The following PLCH2 variants were observed in gnomAD, a reference collection of about 807,000 sequenced individuals.
The protein encoded by PLCH2 is phospholipase C eta 2.
In PLCH2, 98 loss-of-function variants were observed where a neutral mutation model predicts 134.7. That is an observed-to-expected ratio of 0.73 (90% confidence interval 0.62 to 0.86). The LOEUF (loss-of-function observed/expected upper bound fraction) is 0.86. Ranked by LOEUF, PLCH2 falls within the 40% of genes least tolerant of loss-of-function variation. The pLI, the probability that PLCH2 is intolerant of heterozygous loss-of-function variation, is 0.00. For synonymous variants in PLCH2, 974 were observed against 827.5 expected (o/e 1.18, Z -3.04); for missense variants, 1,994 against 1,986.6 (o/e 1.00, Z -0.07).
chr1:2,435,275 G>T (rs980794640), intron 2 of PLCH2, among the ~76,000 whole-genome samples: 8 of 152,226 alleles, frequency 5.3e-5, no homozygotes, highest in African/African-American at 1.9e-4. Context: ...CAGGGGCTGT[G>T]GGGGGTGGGG....
intron 11 of PLCH2, chr1:2,493,206 CTG>C (rs1393310896): frequency 6.6e-6 from 1 of 152,314 alleles, no homozygotes; most frequent in Non-Finnish European, 1.5e-5. Context: ...GCAGTACGGG[CTG>C]TGTCTGGCCG....
chr1:2,465,231 C>G (rs570022246), upstream of PLCH2, among the ~76,000 whole-genome samples: 410 of 152,304 alleles, frequency 2.7e-3, 1 homozygote, highest in Non-Finnish European at 4.7e-3. Context: ...GAGATCCAGC[C>G]AGGGCTCACA....
At chr1:2,450,920 G>A (rs941187288) in intron 2 of PLCH2, among the ~76,000 whole-genome samples, 9 of 151,182 alleles carry the variant, frequency 6.0e-5, no homozygotes, top group Admixed American at 3.3e-4. Flanking sequence ...TCTGTGAAAA[G>A]GGGGTGACAG....
In PLCH2 at chr1:2,494,574, G is replaced by A. The variant is rs138228818; in HGVS notation, c.1660-282G>A. 1.6e-5 allele frequency: 9 copies of A among 555,058 alleles called. No individual in the cohort carries two copies. The East Asian group carries it at 2.5e-4, about 15-fold the overall frequency. The allele number at this position is 555,058 out of a possible 1,614,324, so 34.4% of individuals were successfully genotyped here. The stretch of plus-strand genomic sequence containing the variant: ...TTAACGAGTTTAAAACAACACATGA[G>A]AGACGCTGAGGCAGGTGTGAGCGAA... On this transcript the variant is annotated intron_variant, in intron 11 of 21. Transcript: ENST00000378486.
intron 4 of PLCH2, among the ~76,000 whole-genome samples, chr1:2,481,664 G>T (rs574497933): frequency 6.6e-6 from 1 of 152,254 alleles, no homozygotes; most frequent in Non-Finnish European, 1.5e-5. Context: ...TGCAGGGCTG[G>T]CTCTGGAGAG....
chr1:2,443,600 C>CGCCGTGCGCCCT (rs1553240689), intron 2 of PLCH2, among the ~76,000 whole-genome samples: 11 of 151,036 alleles, frequency 7.3e-5, no homozygotes, highest in Non-Finnish European at 1.6e-4. Context: ...CGGCTAGCCC[C>CGCCGTGCGCCCT]GCGCCCCACC....
rs1278420433 is a variant in PLCH2, at chr1:2,486,982, G to A, written c.892G>A (p.Gly298Arg). Residue 298 changes from glycine to arginine, a missense_variant, in exon 6 of 22, where the codon GGG becomes AGG. This residue lies in a region of PLCH2 where 1,094 missense variants were observed against 1,234.3 expected (regional missense o/e 0.89). Transcript: ENST00000378486. ...GCCATGCCCAGAAAACAAGAGTAAGGGGCTGCTGGGCATTGATGGTGAGTG... is the reference window on the plus strand; with the variant it reads ...GCCATGCCCAGAAAACAAGAGTAAGAGGCTGCTGGGCATTGATGGTGAGTG... ...FEPCPENKSK[G>R]LLGIDGFTNY... 1 of 1,601,532 alleles carries A rather than the reference G, an allele frequency of 6.2e-7. No homozygotes were observed. The highest frequency in any genetic ancestry group is 8.5e-7 in the Non-Finnish European group (1 of 1,174,448).
chr1:2,434,239 C>T (rs529489947), intron 2 of PLCH2, among the ~76,000 whole-genome samples: 27 of 152,336 alleles, frequency 1.8e-4, no homozygotes, highest in African/African-American at 5.5e-4. Context: ...GGGGGCACCG[C>T]GCCTTCCCCA....
the PLCH2 span, among the ~76,000 whole-genome samples, chr1:2,419,483 C>T: frequency 6.6e-4 from 100 of 151,970 alleles, no homozygotes; most frequent in Admixed American, 1.7e-3. Context: ...GGCCGTTGGT[C>T]GGGGGGGTTT....
the PLCH2 span, among the ~76,000 whole-genome samples, chr1:2,418,616 C>T: frequency 2.0e-5 from 3 of 152,212 alleles, no homozygotes; most frequent in Non-Finnish European, 4.4e-5. Context: ...ATAAGGGCTC[C>T]CCACGAGGCT....
rs756225063 is a variant in PLCH2 at position 2,504,075 on chromosome 1, G to C, written c.3113G>C (p.Gly1038Ala). ...CGGCCCCCATACCCCACAGGACCCGGAGCCAATGTGGCAAGCCCCCTAGAG... is the reference window on the plus strand; with the variant it reads ...CGGCCCCCATACCCCACAGGACCCGCAGCCAATGTGGCAAGCCCCCTAGAG... ...QGRPPYPTGPGANVASPLEDT... is the reference protein window; with the variant it reads ...QGRPPYPTGPAANVASPLEDT... Residue 1038 changes from glycine (G) to alanine (A), a missense_variant, in exon 22 of 22, where the codon GGA (glycine) becomes GCA (alanine). Physicochemically the swap from Gly to Ala is moderately conservative, Grantham distance 60. Coordinates refer to ENST00000378486, the MANE Select transcript of PLCH2 (RefSeq NM_014638.4). 1.4e-5 allele frequency: 21 copies of C among 1,548,200 alleles called. No homozygotes were observed. Among genetic ancestry groups the C allele is most frequent in the Non-Finnish European group, 1.8e-5 (21 of 1,146,850 alleles).
intron 1 of PLCH2, among the ~76,000 whole-genome samples, chr1:2,428,854 C>T (rs1029119781): frequency 6.6e-6 from 1 of 152,230 alleles, no homozygotes; most frequent in African/African-American, 2.4e-5. Context: ...CAGGGCAGTG[C>T]GGTGAGAGGC....
chr1:2,497,138 C>A, intron 15 of PLCH2, 128 bp downstream of exon 15: 1 of 885,826 alleles, frequency 1.1e-6, no homozygotes, highest in African/African-American at 1.7e-5. Flanking sequence ...GCCCTTGGAG[C>A]CTCCACACCT....
At chr1:2,491,885 G>A (rs1032498170) in intron 11 of PLCH2, among the ~76,000 whole-genome samples, 3 of 151,538 alleles carry the variant, frequency 2.0e-5, no homozygotes, top group East Asian at 1.9e-4. Context: ...CTGGGGACAC[G>A]GTCTCCTGGT....
chr1:2,447,462 A>T (rs1639994754), intron 2 of PLCH2, among the ~76,000 whole-genome samples: 1 of 151,820 alleles, frequency 6.6e-6, no homozygotes, highest in Admixed American at 6.6e-5. Context: ...GTGCCCTCCC[A>T]CTGGGGAGCA....
rs1215353659 is a variant in PLCH2 at position 2,504,772 on chromosome 1, G to A, written c.3810G>A (p.Glu1270=). Reference sequence around the variant, plus strand: ...CTGATGACTTTGCCCCTAGCTTTGAGGGCGGCTCCCGCAGACTGAGCCACA... The same window carrying A: ...CTGATGACTTTGCCCCTAGCTTTGAAGGCGGCTCCCGCAGACTGAGCCACA... The part of the protein sequence containing the change: ...LTADDFAPSF[E]GGSRRLSHSL... The change falls in exon 22 of 22, where the codon GAG becomes GAA. Residue 1270 remains glutamate (E), a synonymous_variant. Coordinates refer to ENST00000378486, the MANE Select transcript of PLCH2 (RefSeq NM_014638.4). 16 of 1,612,170 alleles carry A rather than the reference G, an allele frequency of 9.9e-6. No individual in the cohort carries two copies. The highest frequency in any genetic ancestry group is 1.6e-4 in the Middle Eastern group (1 of 6,084).
chr1:2,491,613 T>C (rs1006375679), intron 11 of PLCH2, among the ~76,000 whole-genome samples: 16 of 152,250 alleles, frequency 1.1e-4, no homozygotes, highest in African/African-American at 3.9e-4. Flanking sequence ...TAGAGCTGCC[T>C]GTGGCCACGT....
At chr1:2,497,917 C>T (rs980351210) in intron 16 of PLCH2, 5 of 364,800 alleles carry the variant, frequency 1.4e-5, no homozygotes, top group African/African-American at 2.0e-5. Flanking sequence ...GTGCCAGCGA[C>T]CCAGCCCCCT....
At chr1:2,484,819 A>G (rs1344461829) in intron 5 of PLCH2, among the ~76,000 whole-genome samples, 3 of 152,056 alleles carry the variant, frequency 2.0e-5, no homozygotes, top group Non-Finnish European at 4.4e-5. Flanking sequence ...GGCATTTGAG[A>G]GCCCCCCAAG....
Sources: gnomAD v4.1 joint callset for allele counts (sites outside exome capture counted in the v4.1 genomes callset) on GRCh38, gnomAD v4.1.1 for gene constraint, gnomAD v4.1.1 regional missense constraint, MANE v1.5 for transcripts, NCBI Gene and HGNC (gene_info 2026-07-23, HGNC 2026-07-21) for gene names.